ZNF804B: variants seen among roughly 807,000 people sequenced by gnomAD.
ZNF804B encodes the protein zinc finger 804B.
In ZNF804B, 80 loss-of-function variants were observed where a neutral mutation model predicts 101.4. That is an observed-to-expected ratio of 0.79 (90% CI 0.66 to 0.95). ZNF804B has a LOEUF of 0.95. ZNF804B is among the 40% of genes least tolerant of loss of function. The probability of loss-of-function intolerance (pLI) is 0.00; values close to 1 mark genes in which losing one functional copy is unlikely to be tolerated. For synonymous variants in ZNF804B, 622 were observed against 558.8 expected (o/e 1.11, Z -1.59); for missense variants, 1,673 against 1,561.9 (o/e 1.07, Z -1.20).
rs1789865179 is a variant in ZNF804B at position 88,759,920 on chromosome 7, T to C, written c.-57T>C. The C allele has an allele frequency of 1.3e-6, 2 of 1,516,276 alleles. No individual in the cohort carries two copies. Among genetic ancestry groups the C allele is most frequent in the Non-Finnish European group, 1.8e-6 (2 of 1,093,412 alleles). 93.9% of individuals were successfully genotyped at this position (1,516,276 alleles called of 1,614,324 possible). ...GTTGCCGCTGAGAAACCCGCCCGCT[T>C]TCCACGGCTGGTCGCCTGGTGAGGA... On this transcript the variant is annotated 5_prime_UTR_variant, in exon 1 of 4. Coordinates refer to ENST00000333190, the MANE Select transcript of ZNF804B (RefSeq NM_181646.5).
At position 88,759,844 on chromosome 7, in the gene ZNF804B, G is replaced by A. The variant is rs545043015; in HGVS notation, c.-133G>A. On this transcript the variant is annotated 5_prime_UTR_variant, in exon 1 of 4. Coordinates refer to ENST00000333190, the MANE Select transcript of ZNF804B (RefSeq NM_181646.5). ...CGCGGAGCAGGGACGCGCTGCCACC[G>A]CCTCCCCCTGCGTCCTGCTGGCCGC... is the stretch of plus-strand genomic sequence containing the variant. The A allele has an allele frequency of 1.1e-4, 75 of 691,396 alleles. No homozygotes were observed. In the African/African-American group the frequency reaches 1.2e-3, roughly 11 times the overall value. The allele number at this position is 691,396 out of a possible 1,614,324, so 42.8% of individuals were successfully genotyped here.
intron 1 of ZNF804B, among the ~76,000 whole-genome samples, chr7:88,930,652 G>C (rs1254462546): frequency 6.6e-6 from 1 of 151,826 alleles, no homozygotes; most frequent in Non-Finnish European, 1.5e-5. Flanking sequence ...GTGTTTTGTG[G>C]TAGTTGATAA....
intron 1 of ZNF804B, among the ~76,000 whole-genome samples, chr7:88,962,796 A>G (rs1242967442): frequency 5.5e-5 from 8 of 145,646 alleles, no homozygotes; most frequent in Admixed American, 2.1e-4. Context: ...TAGTCTTAAA[A>G]AGAGAGAAAG....
chr7:89,076,480 G>A (rs1431535699), intron 1 of ZNF804B, among the ~76,000 whole-genome samples: 2 of 152,256 alleles, frequency 1.3e-5, no homozygotes, highest in South Asian at 4.1e-4. Context: ...ATGTGGAATT[G>A]TAAATCCATT....
intron 1 of ZNF804B, among the ~76,000 whole-genome samples, chr7:88,815,325 A>G (rs891949464): frequency 2.7e-5 from 4 of 149,664 alleles, no homozygotes; most frequent in Non-Finnish European, 4.4e-5. Flanking sequence ...AAAGCTAGGC[A>G]TAGAATACAA....
At chr7:88,799,750 A>G (rs1790551170) in intron 1 of ZNF804B, among the ~76,000 whole-genome samples, 1 of 152,112 alleles carries the variant, frequency 6.6e-6, no homozygotes, top group South Asian at 2.1e-4. Context: ...GATGAAATGT[A>G]CATGAATCTG....
At chr7:88,818,316 A>G (rs1344245495) in intron 1 of ZNF804B, among the ~76,000 whole-genome samples, 1 of 152,184 alleles carries the variant, frequency 6.6e-6, no homozygotes, top group Non-Finnish European at 1.5e-5. Flanking sequence ...GCATAAAGTC[A>G]TTGCTGATAA....
At chr7:89,313,059 G>T (rs1790667741) in intron 2 of ZNF804B, among the ~76,000 whole-genome samples, 1 of 152,108 alleles carries the variant, frequency 6.6e-6, no homozygotes, top group African/African-American at 2.4e-5. Context: ...CTTGATTTCA[G>T]AACAGGCTGG....
At chr7:89,194,920 T>G (rs1386708421) in intron 1 of ZNF804B, among the ~76,000 whole-genome samples, 1 of 152,104 alleles carries the variant, frequency 6.6e-6, no homozygotes, top group East Asian at 1.9e-4. Context: ...GCCATTTTCA[T>G]GATATTGATT....
intron 1 of ZNF804B, among the ~76,000 whole-genome samples, chr7:89,127,692 G>T (rs1380211673): frequency 6.6e-6 from 1 of 151,388 alleles, no homozygotes; most frequent in Non-Finnish European, 1.5e-5. Flanking sequence ...ATATTTTGAG[G>T]TTCACACAAT....
At chr7:89,195,920 A>C (rs1289513667) in intron 1 of ZNF804B, among the ~76,000 whole-genome samples, 3 of 152,148 alleles carry the variant, frequency 2.0e-5, no homozygotes, top group African/African-American at 7.2e-5. Flanking sequence ...AGGCAAATGG[A>C]AAATTATTCC....
chr7:88,763,417 T>C (rs981184641), intron 1 of ZNF804B, among the ~76,000 whole-genome samples: 1 of 152,156 alleles, frequency 6.6e-6, no homozygotes, highest in Non-Finnish European at 1.5e-5. Context: ...AACATGGTAA[T>C]GTCTTTTATC....
chr7:89,085,627 T>A (rs996703201), intron 1 of ZNF804B, among the ~76,000 whole-genome samples: 6 of 151,936 alleles, frequency 3.9e-5, no homozygotes, highest in Non-Finnish European at 8.8e-5. Flanking sequence ...TCATTCCATA[T>A]GCCTTACAAG....
intron 2 of ZNF804B, among the ~76,000 whole-genome samples, chr7:89,242,230 A>G (rs1167422558): frequency 6.6e-6 from 1 of 151,934 alleles, no homozygotes; most frequent in Non-Finnish European, 1.5e-5. Flanking sequence ...AGATGAATGG[A>G]TTAAATTTAT....
At position 89,242,434 on chromosome 7, in the gene ZNF804B, G is replaced by A. The variant is rs910667424; in HGVS notation, c.249+24139G>A. Among the ~76,000 whole-genome samples, 6 of 151,402 alleles carry A rather than the reference G, an allele frequency of 4.0e-5. 1 individual carries two copies. The highest frequency in any genetic ancestry group is 6.6e-5 in the Admixed American group (1 of 15,178). ...TGTACCAACCTAATAAATAGTTATG[G>A]AATATGTATTATTCCACTGCCTCAA... On this transcript the variant is annotated intron_variant, in intron 2 of 3. Coordinates refer to ENST00000333190, the MANE Select transcript of ZNF804B (RefSeq NM_181646.5).
At chr7:89,068,773 T>C (rs2116293761) in intron 1 of ZNF804B, among the ~76,000 whole-genome samples, 1 of 152,358 alleles carries the variant, frequency 6.6e-6, no homozygotes, top group African/African-American at 2.4e-5. Flanking sequence ...GTTATCAGAA[T>C]GTGTAATTGA....
At chr7:89,086,698 A>T (rs1188439017) in intron 1 of ZNF804B, among the ~76,000 whole-genome samples, 1 of 152,028 alleles carries the variant, frequency 6.6e-6, no homozygotes, top group Admixed American at 6.6e-5. Context: ...ACCATGCAGC[A>T]GATGGTGGAA....
intron 1 of ZNF804B, among the ~76,000 whole-genome samples, chr7:89,148,866 A>G (rs2116402538): frequency 6.6e-6 from 1 of 152,174 alleles, no homozygotes; most frequent in Admixed American, 6.6e-5. Context: ...CTTGTTCTAA[A>G]AAAAGTCTCA....
intron 1 of ZNF804B, among the ~76,000 whole-genome samples, chr7:88,968,322 C>A (rs965617387): frequency 6.6e-6 from 1 of 151,448 alleles, no homozygotes; most frequent in Admixed American, 6.6e-5. Context: ...ACATGTTGTA[C>A]CTTCCCTGAT....
Sources: allele counts gnomAD v4.1 joint callset (sites outside exome capture counted in the v4.1 genomes callset), GRCh38; gene constraint gnomAD v4.1.1; transcripts MANE v1.5; gene names NCBI Gene and HGNC (gene_info 2026-07-23, HGNC 2026-07-21).